Variants in RNGTT observed in about 807,000 individuals in gnomAD.
RNGTT encodes the protein mRNA-capping enzyme.
A neutral mutation model predicts 79.3 loss-of-function variants in RNGTT; 33 were observed. The observed-to-expected ratio is 0.42, with a 90% CI of 0.32 to 0.56. RNGTT has a LOEUF of 0.56. RNGTT is among the 20% of genes least tolerant of loss of function. The pLI is 0.17. For synonymous variants in RNGTT, 222 were observed against 235.9 expected (o/e 0.94, Z 0.54); for missense variants, 497 against 739.1 (o/e 0.67, Z 3.80).
intron 12 of RNGTT, among the ~76,000 whole-genome samples, chr6:88,783,232 A>C (rs9344865): frequency 0.14 from 20,899 of 152,196 alleles, 1,567 homozygotes; most frequent in Middle Eastern, 0.24. Flanking sequence ...AAAGTAATTT[A>C]TGCCATTTGT....
chr6:88,894,973 T>C (rs1352248669), intron 6 of RNGTT, among the ~76,000 whole-genome samples: 1 of 152,188 alleles, frequency 6.6e-6, no homozygotes, highest in Non-Finnish European at 1.5e-5. Flanking sequence ...GGTCTGGAAT[T>C]ATTGTGAACA....
chr6:88,618,191 G>A (rs1007068768), intron 14 of RNGTT, among the ~76,000 whole-genome samples: 10 of 152,180 alleles, frequency 6.6e-5, no homozygotes, highest in Admixed American at 4.6e-4. Flanking sequence ...GAAAATGCAC[G>A]TACCTGCCAC....
chr6:88,801,394 A>C (rs1484538269), intron 12 of RNGTT, among the ~76,000 whole-genome samples, 170 bp downstream of exon 12: 1 of 152,226 alleles, frequency 6.6e-6, no homozygotes. Context: ...TATAAATAAA[A>C]TCTTTCATAA....
chr6:88,621,981 C>G (rs1772458199), intron 14 of RNGTT, among the ~76,000 whole-genome samples: 2 of 152,236 alleles, frequency 1.3e-5, no homozygotes, highest in East Asian at 3.9e-4. Flanking sequence ...CTCACAAGGA[C>G]AGTAACTTTA....
At position 88,963,568 on chromosome 6, in the gene RNGTT, C is replaced by A; in HGVS notation, c.-159G>T. 1 of 620,732 alleles carries A rather than the reference C, an allele frequency of 1.6e-6. No homozygotes were observed. The highest frequency in any genetic ancestry group is 2.3e-5 in the South Asian group (1 of 42,838). 38.5% of individuals were successfully genotyped at this position (620,732 alleles called of 1,614,324 possible). On this transcript the variant is annotated 5_prime_UTR_variant, in exon 1 of 16. Coordinates refer to ENST00000369485, the MANE Select transcript of RNGTT (RefSeq NM_003800.5). ...GATCCGGGTAACGTCAGGGGCGGCG[C>A]GCCACTTTCATTCAGGATCAACTCC...
intron 13 of RNGTT, among the ~76,000 whole-genome samples, chr6:88,759,597 C>A (rs945865608): frequency 3.3e-5 from 5 of 152,082 alleles, no homozygotes; most frequent in African/African-American, 1.2e-4. Context: ...AAATTCTAAT[C>A]CATCTCACAG....
intron 13 of RNGTT, among the ~76,000 whole-genome samples, chr6:88,716,168 A>C (rs1397498760): frequency 6.6e-6 from 1 of 152,164 alleles, no homozygotes; most frequent in African/African-American, 2.4e-5. Flanking sequence ...ATATGAACAG[A>C]CATTTCTCAA....
chr6:88,610,655 C>G lies in RNGTT; in HGVS notation c.*2064G>C, dbSNP rs1771988572. 6.6e-6 allele frequency: 1 copy of G among 152,106 alleles called. No homozygotes were observed. Among genetic ancestry groups the G allele is most frequent in the African/African-American group, 2.4e-5 (1 of 41,418 alleles). 9.4% of individuals were successfully genotyped at this position (152,106 alleles called of 1,614,324 possible). On this transcript the variant is annotated 3_prime_UTR_variant, in exon 16 of 16. Transcript: ENST00000369485. The stretch of plus-strand genomic sequence containing the variant: ...TTATAAGGCCAACTACTCTATGTCA[C>G]TATAATTGAAAGGAAAGAATAAATT...
chr6:88,735,616 A>C (rs1016472207), intron 13 of RNGTT, among the ~76,000 whole-genome samples: 3 of 151,732 alleles, frequency 2.0e-5, no homozygotes, highest in African/African-American at 7.2e-5. Flanking sequence ...GTCAAGAGAA[A>C]TGTTAAAATA....
intron 13 of RNGTT, among the ~76,000 whole-genome samples, chr6:88,688,600 T>C (rs1001243609): frequency 2.6e-5 from 4 of 152,148 alleles, no homozygotes; most frequent in Non-Finnish European, 1.5e-5. Flanking sequence ...AAGGAAGTAC[T>C]GAAAAATGAT....
intron 13 of RNGTT, among the ~76,000 whole-genome samples, chr6:88,680,748 A>C (rs1775064026): frequency 6.6e-6 from 1 of 151,962 alleles, no homozygotes; most frequent in African/African-American, 2.4e-5. Context: ...ATCTCAAAAA[A>C]AAAAAAAAAA....
chr6:88,854,222 G>A (rs748977407), intron 8 of RNGTT, among the ~76,000 whole-genome samples: 3 of 151,984 alleles, frequency 2.0e-5, no homozygotes, highest in Admixed American at 6.6e-5. Flanking sequence ...GAGCCACCAC[G>A]CCTAGTCCAC....
At chr6:88,728,970 TC>T (rs564115632) in intron 13 of RNGTT, among the ~76,000 whole-genome samples, 25 of 152,318 alleles carry the variant, frequency 1.6e-4, no homozygotes, top group African/African-American at 6.0e-4. Context: ...GCCCAGATTG[TC>T]CCCTTTCCAC....
chr6:88,644,217 T>C (rs1050405316), intron 14 of RNGTT, among the ~76,000 whole-genome samples: 4 of 152,116 alleles, frequency 2.6e-5, no homozygotes, highest in Non-Finnish European at 4.4e-5. Flanking sequence ...GAAAATACTA[T>C]AAATACCTCT....
intron 11 of RNGTT, among the ~76,000 whole-genome samples, chr6:88,841,090 C>T (rs75823226): frequency 0.015 from 2,307 of 152,142 alleles, 56 homozygotes; most frequent in African/African-American, 0.053. Context: ...AGACTTCCAC[C>T]GTGGACAGAG....
chr6:88,804,394 G>A (rs1041077615), intron 11 of RNGTT, among the ~76,000 whole-genome samples: 2 of 152,028 alleles, frequency 1.3e-5, no homozygotes, highest in Non-Finnish European at 2.9e-5. Context: ...CTGTAATTCT[G>A]GCACTTTGGG....
At chr6:88,773,141 T>TA (rs1217235964) in intron 12 of RNGTT, among the ~76,000 whole-genome samples, 1 of 150,066 alleles carries the variant, frequency 6.7e-6, no homozygotes, top group Non-Finnish European at 1.5e-5. Flanking sequence ...TATGCAGCCA[T>TA]AAAAAATGAT....
intron 11 of RNGTT, among the ~76,000 whole-genome samples, chr6:88,822,475 A>G (rs1428030477): frequency 2.6e-5 from 4 of 152,218 alleles, no homozygotes; most frequent in African/African-American, 9.7e-5. Flanking sequence ...AAAATATCCT[A>G]AAAGTTATTT....
intron 13 of RNGTT, among the ~76,000 whole-genome samples, chr6:88,700,192 C>T (rs944428410): frequency 3.3e-5 from 5 of 152,260 alleles, no homozygotes; most frequent in African/African-American, 1.2e-4. Context: ...TCAACAACTT[C>T]AAACACACTT....
Sources: gnomAD v4.1 joint callset for allele counts (sites outside exome capture counted in the v4.1 genomes callset) on GRCh38, gnomAD v4.1.1 for gene constraint, MANE v1.5 for transcripts, NCBI Gene and HGNC (gene_info 2026-07-23, HGNC 2026-07-21) for gene names.